The following CST3 variants were observed in gnomAD, a reference collection of about 807,000 sequenced individuals.
CST3 encodes cystatin C.
In CST3, 14 loss-of-function variants were observed where a neutral mutation model predicts 9.0. That is an observed-to-expected ratio of 1.56 (90% confidence interval 1.03 to 2.44). The LOEUF is 2.44. CST3 is among the 30% of genes most tolerant of loss of function. The pLI is 0.00. For synonymous variants in CST3, 96 were observed against 90.2 expected, an observed-to-expected ratio of 1.06 and a Z score of -0.37; for missense variants, 237 against 204.3, an observed-to-expected ratio of 1.16 and a Z score of -0.98.
At position 23,637,821 on chromosome 20, in the gene CST3, GA is replaced by G; in HGVS notation, c.41del (p.Ile14ThrfsTer8). On this transcript the variant is annotated frameshift_variant, in exon 1 of 3. Coordinates refer to ENST00000376925, the MANE Select transcript of CST3 (RefSeq NM_000099.4). LOFTEE classifies it high-confidence loss of function. ...PLRAPLLLLA[I>X]LAVALAVSPA... ...GGCTCACGGCCAGGGCCACGGCCAG[GA>G]TGGCCAGCAGGAGCAGCGGGGCGCG... is the stretch of plus-strand genomic sequence containing the variant. The G allele has an allele frequency of 6.7e-7, 1 of 1,496,106 alleles. No homozygotes were observed. Among genetic ancestry groups the G allele is most frequent in the South Asian group, 1.3e-5 (1 of 78,144 alleles). 92.7% of individuals were successfully genotyped at this position (1,496,106 alleles called of 1,614,324 possible).
At chr20:23,634,995 C>T (rs1979603983) in intron 2 of CST3, among the ~76,000 whole-genome samples, 1 of 152,006 alleles carries the variant, frequency 6.6e-6, no homozygotes, top group African/African-American at 2.4e-5. Context: ...CATATGTGCA[C>T]ACACATATAC....
rs1979769775 is a variant in CST3 at position 23,637,943 on chromosome 20, G to A, written c.-81C>T. On this transcript the variant is annotated 5_prime_UTR_variant, in exon 1 of 3. Coordinates refer to ENST00000376925, the MANE Select transcript of CST3 (RefSeq NM_000099.4). Reference sequence around the variant, plus strand: ...GATAGAGAGGACCCGCTGCGATACCGAGGCGAGGCCGTGAGCCCCGCGAGG... The same window carrying A: ...GATAGAGAGGACCCGCTGCGATACCAAGGCGAGGCCGTGAGCCCCGCGAGG... The A allele has an allele frequency of 3.0e-6, 4 of 1,314,058 alleles. No individual in the cohort carries two copies. Among genetic ancestry groups the A allele is most frequent in the African/African-American group, 1.6e-5 (1 of 64,470 alleles). The allele number at this position is 1,314,058 out of a possible 1,614,324, so 81.4% of individuals were successfully genotyped here.
Position 23,633,884 on chromosome 20 carries a change from G to T in CST3, c.*32C>A. On this transcript the variant is annotated 3_prime_UTR_variant, in exon 3 of 3. Transcript: ENST00000376925. ...AGGGGGTGGGAGGTGTGCATAAGAGGTGATAGGCACAGGCCAGCCCGGTAC... is the reference window on the plus strand; with the variant it reads ...AGGGGGTGGGAGGTGTGCATAAGAGTTGATAGGCACAGGCCAGCCCGGTAC... 1 of 1,568,530 alleles carries T rather than the reference G, an allele frequency of 6.4e-7. No individual in the cohort carries two copies.
exon 4 of CST3, chr20:23,628,645 AG>A (rs1459859462): frequency 6.6e-6 from 1 of 152,262 alleles, no homozygotes; most frequent in Non-Finnish European, 1.5e-5. Context: ...TCACATAACT[AG>A]GAAGTTCAGA....
chr20:23,632,559 C>G (rs1979487301), downstream of CST3, among the ~76,000 whole-genome samples: 1 of 152,198 alleles, frequency 6.6e-6, no homozygotes, highest in Non-Finnish European at 1.5e-5. Context: ...ACGCTCCCCA[C>G]TCTCCCTGCC....
downstream of CST3, among the ~76,000 whole-genome samples, chr20:23,630,976 A>G (rs1290219706): frequency 6.6e-6 from 1 of 152,190 alleles, no homozygotes; most frequent in African/African-American, 2.4e-5. Flanking sequence ...TGCAAGATGC[A>G]TGGTATTCTA....
exon 4 of CST3, chr20:23,628,618 C>A (rs1165662290): frequency 6.6e-6 from 1 of 152,288 alleles, no homozygotes; most frequent in African/African-American, 2.4e-5. Context: ...CCCAACCCAA[C>A]TGGCCTGGTG....
intron 1 of CST3, among the ~76,000 whole-genome samples, chr20:23,637,056 G>A (rs1466472877): frequency 6.6e-6 from 1 of 152,166 alleles, no homozygotes; most frequent in African/African-American, 2.4e-5. Context: ...AGTGAGCTGG[G>A]GGGAACAAAC....
rs140837441 is a variant in CST3, at chr20:23,628,588, C to G, written c.*880G>C. On this transcript the variant is annotated 3_prime_UTR_variant, in exon 4 of 4. Coordinates refer to the CST3 transcript ENST00000398411. ...ATTTTTGTCTGTCAGTGAGGACAGA[C>G]AAGAGCACAGGGCTGGAAACCCAAC... 5.3e-5 allele frequency: 8 copies of G among 152,324 alleles called. No individual in the cohort carries two copies. In the East Asian group the frequency reaches 1.5e-3, roughly 29 times the overall value. The allele number at this position is 152,324 out of a possible 1,614,324, so 9.4% of individuals were successfully genotyped here. A position where few individuals can be genotyped will look rare whatever the true frequency, so the allele number is the denominator to read the frequency against.
At chr20:23,630,004 G>A (rs529142006), downstream of CST3, among the ~76,000 whole-genome samples, 12 of 152,292 alleles carry the variant, frequency 7.9e-5, no homozygotes, top group South Asian at 6.2e-4. Flanking sequence ...TACCTGGCAC[G>A]GAAAGTGTGT....
chr20:23,630,718 G>A (rs2122460605), downstream of CST3, among the ~76,000 whole-genome samples: 1 of 151,620 alleles, frequency 6.6e-6, no homozygotes. Context: ...AGCCACATGG[G>A]TGGCAACATC....
intron 1 of CST3, among the ~76,000 whole-genome samples, chr20:23,635,843 G>T (rs995931669): frequency 6.6e-6 from 1 of 152,138 alleles, no homozygotes; most frequent in African/African-American, 2.4e-5. Context: ...TCCATTCCAG[G>T]TGTGATTTTC....
intron 1 of CST3, among the ~76,000 whole-genome samples, chr20:23,636,426 T>C (rs1979677022): frequency 6.6e-6 from 1 of 152,152 alleles, no homozygotes; most frequent in South Asian, 2.1e-4. Flanking sequence ...GGTCTAACTC[T>C]GCATCAGCTG....
At chr20:23,631,831 C>G (rs1011815660), downstream of CST3, 1 of 152,214 alleles carries the variant, frequency 6.6e-6, no homozygotes, top group African/African-American at 2.4e-5. Context: ...GCCTCTCCAA[C>G]TTACTGTGTT....
intron 2 of CST3, among the ~76,000 whole-genome samples, chr20:23,634,464 T>G (rs1979581407): frequency 6.6e-6 from 1 of 152,152 alleles, no homozygotes. Flanking sequence ...GGCTCTCCCC[T>G]GAGCAGAGAC....
At chr20:23,636,768 G>A (rs1979693855) in intron 1 of CST3, among the ~76,000 whole-genome samples, 1 of 152,212 alleles carries the variant, frequency 6.6e-6, no homozygotes, top group African/African-American at 2.4e-5. Context: ...TGCTGCTGCA[G>A]GTTAAAAGAG....
exon 4 of CST3, chr20:23,626,713 T>C (rs1356019244): frequency 1.3e-5 from 2 of 152,250 alleles, no homozygotes; most frequent in Non-Finnish European, 2.9e-5. Context: ...GAATTGTTTG[T>C]ACACTTTAAG....
chr20:23,635,677 G>A (rs1222825817), intron 1 of CST3, among the ~76,000 whole-genome samples: 7 of 152,358 alleles, frequency 4.6e-5, no homozygotes, highest in Admixed American at 2.6e-4. Context: ...ATGTGATGAT[G>A]AAATTTCGGC....
At chr20:23,632,701 C>T (rs952609523), downstream of CST3, among the ~76,000 whole-genome samples, 5 of 152,146 alleles carry the variant, frequency 3.3e-5, no homozygotes, top group African/African-American at 1.2e-4. Context: ...AGTGCAGCTC[C>T]GAGGTTGGAA....
Sources: gnomAD v4.1 joint callset for allele counts (sites outside exome capture counted in the v4.1 genomes callset) on GRCh38, gnomAD v4.1.1 for gene constraint, MANE v1.5 for transcripts, NCBI Gene and HGNC (gene_info 2026-07-23, HGNC 2026-07-21) for gene names.